CADPS2: variants seen among roughly 807,000 people sequenced by gnomAD.
CADPS2 encodes the protein calcium-dependent secretion activator 2.
A neutral mutation model predicts 172.5 loss-of-function variants in CADPS2; 93 were observed. The observed-to-expected ratio is 0.54, with a 90% confidence interval of 0.46 to 0.64. CADPS2 has a LOEUF of 0.64. Ranked by LOEUF, CADPS2 falls within the 30% of genes least tolerant of loss-of-function variation. The pLI, the probability that CADPS2 is intolerant of heterozygous loss-of-function variation, is 0.00. For synonymous variants in CADPS2, 546 were observed against 555.2 expected (o/e 0.98, Z 0.23); for missense variants, 1,420 against 1,565.9 (o/e 0.91, Z 1.57).
chr7:122,514,614 C>T (rs1037630058), intron 8 of CADPS2, among the ~76,000 whole-genome samples: 18 of 151,842 alleles, frequency 1.2e-4, no homozygotes, highest in African/African-American at 4.1e-4. Flanking sequence ...GTCAATACAT[C>T]GAAATAGTCA....
intron 2 of CADPS2, chr7:122,698,217 A>C (rs1403978043): frequency 1.2e-6 from 2 of 1,613,904 alleles, no homozygotes; most frequent in Non-Finnish European, 1.7e-6. Flanking sequence ...GGAGTTGTCC[A>C]AATGTGTTCT....
At chr7:122,384,367 G>T (rs998026371) in intron 24 of CADPS2, among the ~76,000 whole-genome samples, 14 of 152,036 alleles carry the variant, frequency 9.2e-5, no homozygotes, top group Non-Finnish European at 2.1e-4. Flanking sequence ...AAAAAACATT[G>T]CTGCTATGTT....
intron 8 of CADPS2, among the ~76,000 whole-genome samples, chr7:122,545,632 A>C (rs1296014797): frequency 6.6e-6 from 1 of 152,142 alleles, no homozygotes; most frequent in East Asian, 1.9e-4. Flanking sequence ...TCCTTGAACA[A>C]GTTTTGTTTG....
chr7:122,462,546 T>C (rs979676242), intron 14 of CADPS2, among the ~76,000 whole-genome samples: 107 of 152,298 alleles, frequency 7.0e-4, no homozygotes, highest in African/African-American at 2.2e-3. Context: ...AATTACATGA[T>C]AAATGTAAAT....
chr7:122,876,966 A>T (rs981475814), intron 1 of CADPS2, among the ~76,000 whole-genome samples: 1 of 152,158 alleles, frequency 6.6e-6, no homozygotes, highest in Admixed American at 6.5e-5. Flanking sequence ...ATAAAGGTAA[A>T]ATGTTTCTCA....
chr7:122,559,499 G>A (rs11770993), intron 7 of CADPS2, among the ~76,000 whole-genome samples: 30,545 of 152,036 alleles, frequency 0.2, 4,054 homozygotes, highest in Non-Finnish European at 0.3. Flanking sequence ...GGCCAGGTGC[G>A]GTGGCTCATG....
intron 2 of CADPS2, among the ~76,000 whole-genome samples, chr7:122,726,447 A>G (rs1223383686): frequency 6.6e-6 from 1 of 151,988 alleles, no homozygotes; most frequent in Non-Finnish European, 1.5e-5. Context: ...AGCTTTAAAT[A>G]TGTCAAGGTG....
chr7:122,358,985 C>T (rs951960114), intron 27 of CADPS2, among the ~76,000 whole-genome samples: 1 of 152,058 alleles, frequency 6.6e-6, no homozygotes, highest in Non-Finnish European at 1.5e-5. Flanking sequence ...ATGTCTGTTT[C>T]CCTATGTCTT....
At chr7:122,822,287 C>G (rs1196566361) in intron 1 of CADPS2, among the ~76,000 whole-genome samples, 5 of 151,984 alleles carry the variant, frequency 3.3e-5, no homozygotes, top group African/African-American at 1.2e-4. Context: ...TCAATTCATC[C>G]AAAACCGTAT....
At chr7:122,701,906 T>C (rs2086166710) in intron 2 of CADPS2, 1 of 1,613,626 alleles carries the variant, frequency 6.2e-7, no homozygotes, top group Non-Finnish European at 8.5e-7. Context: ...AATGCATGCC[T>C]TATGGAAAAA....
At chr7:122,559,758 G>A (rs1424519408) in intron 7 of CADPS2, among the ~76,000 whole-genome samples, 9 of 126,768 alleles carry the variant, frequency 7.1e-5, no homozygotes, top group Admixed American at 1.9e-4. Flanking sequence ...GTGACAGTGC[G>A]AGACTCCACC....
chr7:122,523,895 C>A (rs2061005567), intron 8 of CADPS2, among the ~76,000 whole-genome samples: 1 of 152,114 alleles, frequency 6.6e-6, no homozygotes. Context: ...CCCAACCAGG[C>A]AAACTTGCAG....
intron 24 of CADPS2, among the ~76,000 whole-genome samples, chr7:122,381,770 A>T (rs2043032501): frequency 6.6e-6 from 1 of 152,138 alleles, no homozygotes; most frequent in Non-Finnish European, 1.5e-5. Context: ...GGAGGGAGGG[A>T]GAGAAAATGA....
chr7:122,642,153 G>A (rs1372516853), intron 3 of CADPS2, among the ~76,000 whole-genome samples: 2 of 151,596 alleles, frequency 1.3e-5, no homozygotes, highest in African/African-American at 2.4e-5. Context: ...GGTGGTAGGC[G>A]CCTGTAATCC....
At chr7:122,806,082 T>C (rs1333274288) in intron 1 of CADPS2, among the ~76,000 whole-genome samples, 1 of 152,244 alleles carries the variant, frequency 6.6e-6, no homozygotes, top group Admixed American at 6.5e-5. Context: ...CTAGCCCTGA[T>C]TTCTTGAGGC....
At chr7:122,615,142 C>A in intron 6 of CADPS2, 39 bp downstream of exon 6, 1 of 1,261,460 alleles carries the variant, frequency 7.9e-7, no homozygotes. Context: ...ATTAAAAAAA[C>A]AAACAACAAC....
intron 1 of CADPS2, among the ~76,000 whole-genome samples, chr7:122,774,186 G>A (rs2093795472): frequency 6.6e-6 from 1 of 151,046 alleles, no homozygotes; most frequent in Non-Finnish European, 1.5e-5. Flanking sequence ...ATTGAAAGTT[G>A]ATTTTGAAGT....
At chr7:122,482,893 A>G (rs1050777811) in intron 11 of CADPS2, among the ~76,000 whole-genome samples, 2 of 152,214 alleles carry the variant, frequency 1.3e-5, no homozygotes, top group African/African-American at 4.8e-5. Flanking sequence ...CCATCAGCTC[A>G]TGCATGTGTA....
chr7:122,515,015 A>C (rs1042816234), intron 8 of CADPS2, among the ~76,000 whole-genome samples: 2 of 152,176 alleles, frequency 1.3e-5, no homozygotes, highest in Admixed American at 6.6e-5. Flanking sequence ...GAAAATTCAC[A>C]GAAATTTTCA....
Sources: allele counts gnomAD v4.1 joint callset (sites outside exome capture counted in the v4.1 genomes callset), GRCh38; gene constraint gnomAD v4.1.1; transcripts MANE v1.5; gene names NCBI Gene and HGNC (gene_info 2026-07-23, HGNC 2026-07-21).